The following TNRC18 variants were observed in gnomAD, a reference collection of about 807,000 sequenced individuals.
The protein encoded by TNRC18 is trinucleotide repeat-containing gene 18 protein.
Under a neutral mutation model 226.7 loss-of-function variants are expected in TNRC18, and 69 were observed. The ratio of observed to expected loss-of-function variants is 0.30; its 90% CI spans 0.25 to 0.37. The LOEUF is 0.37. Among genes scored for constraint, TNRC18 ranks in the 10% least tolerant of loss-of-function variants. The probability of loss-of-function intolerance (pLI) is 1.00; values close to 1 mark genes in which losing one functional copy is unlikely to be tolerated. For synonymous variants in TNRC18, 2,449 were observed against 1,927.6 expected (o/e 1.27, Z -7.09); for missense variants, 4,754 against 4,256.6 (o/e 1.12, Z -3.25).
chr7:5,390,465 A>G lies in TNRC18; in HGVS notation c.487+20T>C, dbSNP rs762013732. The G allele has an allele frequency of 6.2e-7, 1 of 1,612,130 alleles. No individual in the cohort carries two copies. Reference sequence around the variant, plus strand: ...TCAGAAGGCCCCTGTGCCACCCCCAACCCCGGACTCCAGTCTTACCTCCTC... The same window carrying G: ...TCAGAAGGCCCCTGTGCCACCCCCAGCCCCGGACTCCAGTCTTACCTCCTC... On this transcript the variant is annotated intron_variant, in intron 4 of 29. Coordinates refer to ENST00000430969, the MANE Select transcript of TNRC18 (RefSeq NM_001080495.3).
chr7:5,377,054 G>A lies in TNRC18; in HGVS notation c.2462-61C>T. Reference sequence around the variant, plus strand: ...GAGCCCCCAAGCGGTTTGTCCTCGGGCAGCCCCAGCCCAGCACCACCTCCC... The same window carrying A: ...GAGCCCCCAAGCGGTTTGTCCTCGGACAGCCCCAGCCCAGCACCACCTCCC... On this transcript the variant is annotated intron_variant, in intron 7 of 29. Transcript: ENST00000430969. The surrounding 1 kb of genome is among the most constrained non-coding windows in gnomAD (Gnocchi z 5.8). The A allele has an allele frequency of 6.5e-7, 1 of 1,533,672 alleles. No individual in the cohort carries two copies. Among genetic ancestry groups the A allele is most frequent in the Non-Finnish European group, 8.8e-7 (1 of 1,142,184 alleles).
At position 5,390,637 on chromosome 7, in the gene TNRC18, G is replaced by T; in HGVS notation, c.344-9C>A. The T allele has an allele frequency of 6.5e-7, 1 of 1,531,930 alleles. No homozygotes were observed. The allele number at this position is 1,531,930 out of a possible 1,614,324, so 94.9% of individuals were successfully genotyped here. ...GGGCAGGTGGGAGAAGCCTGTAACAGAAAAGAGAAAAGCTGGGCTGGGCCA... is the reference window on the plus strand; with the variant it reads ...GGGCAGGTGGGAGAAGCCTGTAACATAAAAGAGAAAAGCTGGGCTGGGCCA... On this transcript the variant is annotated splice_polypyrimidine_tract_variant and intron_variant, in intron 3 of 29. Transcript: ENST00000430969.
At chr7:5,345,517 G>GGGGGGGGGGCGCCCCCCCCCCCC in intron 18 of TNRC18, 45 bp downstream of exon 18, 1 of 377,744 alleles carries the variant, frequency 2.6e-6, no homozygotes. Flanking sequence ...AATGGCGTCC[G>GGGGGGGGGGCGCCCCCCCCCCCC]CCCCTCCCAC....
At position 5,313,879 on chromosome 7, in the gene TNRC18, G is replaced by C. The variant is rs1787567186; in HGVS notation, c.7028-16C>G. The C allele has an allele frequency of 7.0e-7, 1 of 1,438,158 alleles. No homozygotes were observed. Among genetic ancestry groups the C allele is most frequent in the Non-Finnish European group, 9.1e-7 (1 of 1,095,452 alleles). The allele number at this position is 1,438,158 out of a possible 1,614,324, so 89.1% of individuals were successfully genotyped here. A position where few individuals can be genotyped will look rare whatever the true frequency, so the allele number is the denominator to read the frequency against. On this transcript the variant is annotated splice_polypyrimidine_tract_variant and intron_variant, in intron 26 of 29. Transcript: ENST00000430969. ...GCGGCTCTGTCTGCAAAACAAAACA[G>C]ATGAGAAGCTGGGGCGGGGGCTTCC...
chr7:5,418,979 C>G (rs1445010440), intron 2 of TNRC18, among the ~76,000 whole-genome samples: 1 of 152,220 alleles, frequency 6.6e-6, no homozygotes, highest in South Asian at 2.1e-4. Flanking sequence ...CTTTCCCTCC[C>G]GGGTGAGCAC....
At chr7:5,408,156 G>A (rs151072266) in intron 2 of TNRC18, among the ~76,000 whole-genome samples, 12 of 152,172 alleles carry the variant, frequency 7.9e-5, no homozygotes, top group African/African-American at 2.9e-4. Context: ...AAAATTAGCT[G>A]GGCGTGGTGG....
intron 2 of TNRC18, among the ~76,000 whole-genome samples, chr7:5,401,868 G>A (rs1000081921): frequency 2.0e-5 from 3 of 152,030 alleles, no homozygotes; most frequent in Non-Finnish European, 4.4e-5. Flanking sequence ...TGGGAGGACC[G>A]CCGGGAGCTT....
intron 19 of TNRC18, among the ~76,000 whole-genome samples, chr7:5,331,017 C>A (rs987961187): frequency 6.6e-6 from 1 of 152,148 alleles, no homozygotes; most frequent in African/African-American, 2.4e-5. Context: ...ACCTGTCCTG[C>A]AAGGCCTTCA....
At chr7:5,357,961 T>G (rs1156302932) in intron 15 of TNRC18, among the ~76,000 whole-genome samples, 4 of 152,206 alleles carry the variant, frequency 2.6e-5, no homozygotes, top group Admixed American at 2.6e-4. Flanking sequence ...TCCGTGGCAC[T>G]GCTTGGTGCC....
chr7:5,316,655 G>C (rs367800852), intron 24 of TNRC18, among the ~76,000 whole-genome samples: 33 of 152,114 alleles, frequency 2.2e-4, no homozygotes, highest in African/African-American at 7.0e-4. Context: ...TCATGCACAA[G>C]ACCCTCCTGC....
Position 5,361,731 on chromosome 7 carries a change from G to T in TNRC18, c.4533-9C>A. 6.4e-7 allele frequency: 1 copy of T among 1,562,660 alleles called. No homozygotes were observed. Among genetic ancestry groups the T allele is most frequent in the Non-Finnish European group, 8.7e-7 (1 of 1,154,472 alleles). The stretch of plus-strand genomic sequence containing the variant: ...GTTCCTCGCGCCTGTCCCTTAAAAA[G>T]AATCACACGCTTGGCTGTGACGCTG... On this transcript the variant is annotated splice_polypyrimidine_tract_variant and intron_variant, in intron 13 of 29. Coordinates refer to ENST00000430969, the MANE Select transcript of TNRC18 (RefSeq NM_001080495.3).
intron 16 of TNRC18, among the ~76,000 whole-genome samples, chr7:5,352,674 C>T (rs1230842395): frequency 6.6e-6 from 1 of 152,262 alleles, no homozygotes; most frequent in African/African-American, 2.4e-5. Context: ...GCCAGTGAGC[C>T]GGCCCACCAC....
At chr7:5,371,508 T>A (rs1794158986) in intron 10 of TNRC18, 144 bp from the exon 11 acceptor site, 1 of 1,130,792 alleles carries the variant, frequency 8.8e-7, no homozygotes, top group Non-Finnish European at 1.2e-6. Context: ...CTGTTCTAGG[T>A]GGGATCTCAG....
Position 5,309,500 on chromosome 7 carries a change from AGGAAGCTCCTTGTCTCGCTTCAAGTGG to A in TNRC18, c.8389-159_8389-133del. On this transcript the variant is annotated intron_variant, in intron 27 of 29. Transcript: ENST00000430969. The surrounding 1 kb of genome is among the most constrained non-coding windows in gnomAD (Gnocchi z 5.7). ...ACCCCTATCCAACTGTGGGGAGATG[AGGAAGCTCCTTGTCTCGCTTCAAGTGG>A]GGAAGCCCCTCTTCCATCTCTTTGA... 1 of 738,196 alleles carries A rather than the reference AGGAAGCTCCTTGTCTCGCTTCAAGTGG, an allele frequency of 1.4e-6. No individual in the cohort carries two copies. The highest frequency in any genetic ancestry group is 1.8e-5 in the African/African-American group (1 of 56,438). The allele number at this position is 738,196 out of a possible 1,614,324, so 45.7% of individuals were successfully genotyped here.
chr7:5,376,829 C>T lies in TNRC18; in HGVS notation c.2608+18G>A. ...TGGCCAGTCTGGCCCATGGTGGCCA[C>T]ATAGAAGGTCCACTTACCAAAGTGA... On this transcript the variant is annotated intron_variant, in intron 8 of 29. Coordinates refer to ENST00000430969, the MANE Select transcript of TNRC18 (RefSeq NM_001080495.3). 6.2e-7 allele frequency: 1 copy of T among 1,607,048 alleles called. No individual in the cohort carries two copies. The highest frequency in any genetic ancestry group is 1.1e-5 in the South Asian group (1 of 89,520).
At chr7:5,380,443 C>T (rs1779319685) in intron 5 of TNRC18, among the ~76,000 whole-genome samples, 1 of 152,230 alleles carries the variant, frequency 6.6e-6, no homozygotes, top group South Asian at 2.1e-4. Context: ...ATCTCCCTTT[C>T]CCTGCAGGAA....
At chr7:5,363,797 G>A (rs189485015) in intron 11 of TNRC18, among the ~76,000 whole-genome samples, 1 of 151,906 alleles carries the variant, frequency 6.6e-6, no homozygotes, top group Non-Finnish European at 1.5e-5. Flanking sequence ...TAGTGAATAT[G>A]CATAGCTCTT....
chr7:5,367,556 T>A (rs1297818568), intron 11 of TNRC18, among the ~76,000 whole-genome samples: 2 of 150,858 alleles, frequency 1.3e-5, no homozygotes, highest in African/African-American at 4.9e-5. Context: ...GCCTCCCGAG[T>A]AGCTGGGATT....
At chr7:5,330,936 A>C (rs561575050) in intron 19 of TNRC18, among the ~76,000 whole-genome samples, 1 of 152,230 alleles carries the variant, frequency 6.6e-6, no homozygotes, top group South Asian at 2.1e-4. Context: ...TGGCCTCCCA[A>C]AGTGCTGGGA....
Sources: allele counts gnomAD v4.1 joint callset (sites outside exome capture counted in the v4.1 genomes callset), GRCh38; gene constraint gnomAD v4.1.1; non-coding constraint Gnocchi (gnomAD v3.1); transcripts MANE v1.5; gene names NCBI Gene and HGNC (gene_info 2026-07-23, HGNC 2026-07-21).